The following SLC15A3 variants were observed in gnomAD, a reference collection of about 807,000 sequenced individuals.
SLC15A3 encodes the protein solute carrier family 15 member 3.
In SLC15A3, 39 loss-of-function variants were observed where a neutral mutation model predicts 49.2. The observed-to-expected ratio is 0.79, with a 90% CI of 0.61 to 1.04. SLC15A3 has a LOEUF of 1.04. Among genes scored for constraint, SLC15A3 ranks in the 50% least tolerant of loss-of-function variants. The pLI, the probability that SLC15A3 is intolerant of heterozygous loss-of-function variation, is 0.00. For missense variants in SLC15A3, 758 were observed against 794.8 expected, an observed-to-expected ratio of 0.95 and a Z score of 0.56; for synonymous variants, 339 against 367.0, an observed-to-expected ratio of 0.92 and a Z score of 0.87.
At chr11:60,937,425 C>G in intron 7 of SLC15A3, 52 bp from the exon 8 acceptor site, 1 of 1,606,368 alleles carries the variant, frequency 6.2e-7, no homozygotes, top group Non-Finnish European at 8.5e-7. Context: ...CTCTGTCTTG[C>G]GCCCTGTGCC....
Position 60,942,065 on chromosome 11 carries a change from C to T in SLC15A3, c.1077G>A (p.Val359=). The T allele has an allele frequency of 1.2e-6, 2 of 1,614,092 alleles. No individual in the cohort carries two copies. The highest frequency in any genetic ancestry group is 1.7e-6 in the Non-Finnish European group (2 of 1,179,998). ...AGCTGCTGCCCTGGGCTCTCAGGGC[C>T]ACAGAGATGTTGGCCGGGTTGGCTG... ...IFPANPANIS[V]ALRAQGSSYT... The change falls in exon 4 of 8, where the codon GTG becomes GTA. Residue 359 remains valine, a synonymous_variant. Coordinates refer to ENST00000227880, the MANE Select transcript of SLC15A3 (RefSeq NM_016582.3).
intron 6 of SLC15A3, among the ~76,000 whole-genome samples, chr11:60,938,523 G>A (rs1856659430): frequency 6.6e-6 from 1 of 152,082 alleles, no homozygotes; most frequent in African/African-American, 2.4e-5. Context: ...ACAGCCAGGA[G>A]CATCAGTCTA....
Position 60,941,244 on chromosome 11 carries a change from A to G in SLC15A3, c.1154T>C (p.Ile385Thr). The G allele has an allele frequency of 6.2e-7, 1 of 1,614,178 alleles. No individual in the cohort carries two copies. Among genetic ancestry groups the G allele is most frequent in the East Asian group, 2.2e-5 (1 of 44,892 alleles). Residue 385 changes from isoleucine to threonine, a missense_variant, in exon 5 of 8, where the codon ATT becomes ACT. Ile to Thr is a moderately conservative substitution (Grantham distance 89, BLOSUM62 -1). Coordinates refer to ENST00000227880, the MANE Select transcript of SLC15A3 (RefSeq NM_016582.3). ...CAAGCGGTCCTTCAGAGGGACCAGA[A>G]TCAGCACCACCACAACATTGGCCAG... ...LLLANVVVVL[I>T]LVPLKDRLID...
intron 4 of SLC15A3, chr11:60,941,702 A>G (rs1386409996): frequency 2.9e-6 from 1 of 341,984 alleles, no homozygotes; most frequent in South Asian, 3.8e-5. Context: ...AGATCTAGGT[A>G]TCTAAGGGTC....
At chr11:60,939,682 G>A in intron 5 of SLC15A3, 44 bp from the exon 6 acceptor site, 1 of 1,604,320 alleles carries the variant, frequency 6.2e-7, no homozygotes, top group South Asian at 1.1e-5. Context: ...CCCACCCCAG[G>A]CAGCTTAGCC....
chr11:60,945,560 G>A (rs557045834), intron 2 of SLC15A3, among the ~76,000 whole-genome samples: 6 of 152,320 alleles, frequency 3.9e-5, no homozygotes, highest in Admixed American at 2.6e-4. Flanking sequence ...ATGCCAGACT[G>A]GGGAAAGCAT....
At chr11:60,950,247 C>T (rs1286637890) in intron 1 of SLC15A3, among the ~76,000 whole-genome samples, 1 of 152,186 alleles carries the variant, frequency 6.6e-6, no homozygotes, top group Non-Finnish European at 1.5e-5. Flanking sequence ...AGCTGGCTTG[C>T]TCCTGCCCTG....
At position 60,937,302 on chromosome 11, in the gene SLC15A3, G is replaced by C. The variant is rs1021321852; in HGVS notation, c.1663C>G (p.Leu555Val). ...LAGIQAVTAL[L>V]FVWIAGRYER... Reference sequence around the variant, plus strand: ...TAGCGTCCAGCGATCCAGACAAATAGGAGAGCCGTGACGGCCTGAATGCCA... The same window carrying C: ...TAGCGTCCAGCGATCCAGACAAATACGAGAGCCGTGACGGCCTGAATGCCA... Residue 555 changes from leucine (L) to valine (V), a missense_variant, in exon 8 of 8, where the codon CTA becomes GTA. Coordinates refer to ENST00000227880, the MANE Select transcript of SLC15A3 (RefSeq NM_016582.3). 6.2e-7 allele frequency: 1 copy of C among 1,614,166 alleles called. No homozygotes were observed. Among genetic ancestry groups the C allele is most frequent in the Non-Finnish European group, 8.5e-7 (1 of 1,180,022 alleles).
intron 2 of SLC15A3, among the ~76,000 whole-genome samples, chr11:60,945,400 C>T (rs1455611122): frequency 2.6e-5 from 4 of 152,140 alleles, no homozygotes; most frequent in Admixed American, 1.3e-4. Flanking sequence ...AGAAGCAGAA[C>T]GGCCCGACTG....
At chr11:60,939,795 G>C in intron 5 of SLC15A3, 157 bp from the exon 6 acceptor site, 1 of 821,522 alleles carries the variant, frequency 1.2e-6, no homozygotes, top group Non-Finnish European at 1.9e-6. Flanking sequence ...TGGAGGAGGG[G>C]GCCAAGATGT....
In SLC15A3 at chr11:60,943,557, G is replaced by A. The variant is rs567564843; in HGVS notation, c.996+132C>T. On this transcript the variant is annotated intron_variant, in intron 3 of 7. Coordinates refer to ENST00000227880, the MANE Select transcript of SLC15A3 (RefSeq NM_016582.3). ...TGCCAGGCCCCATGCTAGCTGGTAC[G>A]GGGCAGCACCTCACTTTATTCCCAG... 4.3e-4 allele frequency: 420 copies of A among 977,242 alleles called. 1 individual carries two copies. The highest frequency in any genetic ancestry group is 1.0e-3 in the African/African-American group (60 of 58,974). 60.5% of individuals were successfully genotyped at this position (977,242 alleles called of 1,614,324 possible).
Position 60,939,516 on chromosome 11 carries a change from G to A in SLC15A3, c.1399C>T (p.Leu467Phe). 1 of 1,614,204 alleles carries A rather than the reference G, an allele frequency of 6.2e-7. No individual in the cohort carries two copies. Among genetic ancestry groups the A allele is most frequent in the Non-Finnish European group, 8.5e-7 (1 of 1,180,028 alleles). The change falls in exon 6 of 8, where the codon CTC (leucine) becomes TTC (phenylalanine). Residue 467 changes from leucine (L) to phenylalanine (F), a missense_variant. Transcript: ENST00000227880. ...GCAAAGATCTCACTGATCCCAATGA[G>A]CAGGTACTGAGGGATCTGCCACCAG... ...SIWWQIPQYL[L>F]IGISEIFASI...
rs767808743 is a variant in SLC15A3 at position 60,951,570 on chromosome 11, C to G, written c.-19G>C. 2,959 of 1,134,394 alleles carry G rather than the reference C, an allele frequency of 2.6e-3. 3 individuals are homozygous for G. The highest frequency in any genetic ancestry group is 2.9e-3 in the Non-Finnish European group (2,647 of 925,734). The allele number at this position is 1,134,394 out of a possible 1,614,324, so 70.3% of individuals were successfully genotyped here. A position where few individuals can be genotyped will look rare whatever the true frequency, so the allele number is the denominator to read the frequency against. ...CGGGCATCCTGGCTCCGGGCTGGGC[C>G]CCCCGCGGCTCTTCTCTCCTCTCCT... On this transcript the variant is annotated 5_prime_UTR_variant, in exon 1 of 8. Transcript: ENST00000227880.
At chr11:60,937,812 C>T in intron 7 of SLC15A3, 58 bp downstream of exon 7, 1 of 1,579,014 alleles carries the variant, frequency 6.3e-7, no homozygotes, top group Non-Finnish European at 8.6e-7. Flanking sequence ...GCAGTTGCCA[C>T]CTCCTTTCCA....
Position 60,939,549 on chromosome 11 carries a change from G to A in SLC15A3, c.1366C>T (p.Leu456=). ...IGEVLYNAAP[L]SIWWQIPQYL... ...TGAGGGATCTGCCACCAGATGGACA[G>A]TGGTGCCGCGTTGTACAGGACCTCC... Residue 456 remains leucine, a synonymous_variant, in exon 6 of 8, where the codon CTG becomes TTG. Transcript: ENST00000227880. 1 of 1,614,222 alleles carries A rather than the reference G, an allele frequency of 6.2e-7. No individual in the cohort carries two copies. The highest frequency in any genetic ancestry group is 8.5e-7 in the Non-Finnish European group (1 of 1,180,026).
At chr11:60,941,472 G>T (rs558158696) in intron 4 of SLC15A3, 182 bp from the exon 5 acceptor site, 1 of 552,078 alleles carries the variant, frequency 1.8e-6, no homozygotes. Flanking sequence ...TGGCAAATAG[G>T]TTCCTCTTGT....
intron 4 of SLC15A3, chr11:60,941,787 C>G: frequency 2.1e-6 from 1 of 477,248 alleles, no homozygotes; most frequent in Non-Finnish European, 3.8e-6. Context: ...AATTAGGCAG[C>G]GAGACCTGCT....
chr11:60,951,574 C>G lies in SLC15A3; in HGVS notation c.-23G>C. ...CATCCTGGCTCCGGGCTGGGCCCCCCGCGGCTCTTCTCTCCTCTCCTCTCC... is the reference window on the plus strand; with the variant it reads ...CATCCTGGCTCCGGGCTGGGCCCCCGGCGGCTCTTCTCTCCTCTCCTCTCC... On this transcript the variant is annotated 5_prime_UTR_variant, in exon 1 of 8. Coordinates refer to ENST00000227880, the MANE Select transcript of SLC15A3 (RefSeq NM_016582.3). 2 of 1,135,772 alleles carry G rather than the reference C, an allele frequency of 1.8e-6. No individual in the cohort carries two copies. Among genetic ancestry groups the G allele is most frequent in the South Asian group, 8.8e-5 (2 of 22,806 alleles). 70.4% of individuals were successfully genotyped at this position (1,135,772 alleles called of 1,614,324 possible).
At chr11:60,941,440 A>G in intron 4 of SLC15A3, 150 bp from the exon 5 acceptor site, 1 of 725,648 alleles carries the variant, frequency 1.4e-6, no homozygotes, top group Non-Finnish European at 2.2e-6. Flanking sequence ...CTGTGTAACC[A>G]GGGAGTGGGA....
Sources: gnomAD v4.1 joint callset for allele counts (sites outside exome capture counted in the v4.1 genomes callset) on GRCh38, gnomAD v4.1.1 for gene constraint, MANE v1.5 for transcripts, NCBI Gene and HGNC (gene_info 2026-07-23, HGNC 2026-07-21) for gene names.